TSPAN9: variants seen among roughly 807,000 people sequenced by gnomAD.
TSPAN9 encodes tetraspanin 9, also known as tetraspanin-9.
Under a neutral mutation model 31.0 loss-of-function variants are expected in TSPAN9, and 16 were observed. The observed-to-expected ratio is 0.52, with a 90% confidence interval of 0.35 to 0.78. The LOEUF (loss-of-function observed/expected upper bound fraction) is 0.78. TSPAN9 is among the 30% of genes least tolerant of loss of function. The pLI, the probability that TSPAN9 is intolerant of heterozygous loss-of-function variation, is 0.01. For synonymous variants in TSPAN9, 145 were observed against 121.6 expected, an observed-to-expected ratio of 1.19 and a Z score of -1.27; for missense variants, 272 against 312.5, an observed-to-expected ratio of 0.87 and a Z score of 0.98.
At chr12:3,127,201 G>A (rs570920883) in intron 2 of TSPAN9, among the ~76,000 whole-genome samples, 19 of 152,042 alleles carry the variant, frequency 1.2e-4, no homozygotes, top group African/African-American at 4.6e-4. Flanking sequence ...AGGAGTTGGA[G>A]ACCAGCCTGG....
At chr12:3,175,419 C>A (rs965112816) in intron 2 of TSPAN9, among the ~76,000 whole-genome samples, 18 of 152,202 alleles carry the variant, frequency 1.2e-4, no homozygotes, top group African/African-American at 4.1e-4. Flanking sequence ...GGCTGCCTTG[C>A]AGGAGGTGTG....
At chr12:3,272,180 G>T (rs1040061901) in intron 3 of TSPAN9, among the ~76,000 whole-genome samples, 5 of 152,194 alleles carry the variant, frequency 3.3e-5, no homozygotes, top group African/African-American at 4.8e-5. Context: ...CAGGTGCCTT[G>T]TGGGGCTCTG....
intron 6 of TSPAN9, 121 bp from the exon 7 acceptor site, chr12:3,281,077 C>T: frequency 2.7e-6 from 4 of 1,477,944 alleles, no homozygotes; most frequent in Non-Finnish European, 2.7e-6. Context: ...TTTGTCTCCT[C>T]CCTTAACTGC....
intron 3 of TSPAN9, among the ~76,000 whole-genome samples, chr12:3,224,670 G>T (rs1353396097): frequency 1.3e-5 from 2 of 152,248 alleles, no homozygotes; most frequent in Non-Finnish European, 2.9e-5. Context: ...TCTCCGATGA[G>T]GCCTAGCGTC....
intron 3 of TSPAN9, among the ~76,000 whole-genome samples, chr12:3,237,204 C>T (rs1373100746): frequency 6.6e-6 from 1 of 152,038 alleles, no homozygotes; most frequent in Non-Finnish European, 1.5e-5. Flanking sequence ...TTATCCTGAT[C>T]GATGTCATCC....
chr12:3,094,864 T>G (rs1178408664), intron 2 of TSPAN9, among the ~76,000 whole-genome samples: 70 of 109,478 alleles, frequency 6.4e-4, no homozygotes, highest in South Asian at 2.4e-3. Flanking sequence ...TTTTTTTTTT[T>G]TTTTTGTTTT....
chr12:3,235,967 C>T (rs1249468940), intron 3 of TSPAN9, among the ~76,000 whole-genome samples: 2 of 152,272 alleles, frequency 1.3e-5, no homozygotes, highest in Non-Finnish European at 2.9e-5. Context: ...TTCCCCTGGA[C>T]CTGCTGCCGC....
rs1241784095 is a variant in TSPAN9 at position 3,172,005 on chromosome 12, T to TAGC, written c.-17-29171_-17-29169dup. 2.0e-5 allele frequency: 3 copies of TAGC among 152,252 alleles called. No homozygotes were observed. In the East Asian group the frequency reaches 5.8e-4, roughly 29 times the overall value. The allele number at this position is 152,252 out of a possible 1,614,324, so 9.4% of individuals were successfully genotyped here. On this transcript the variant is annotated intron_variant, in intron 2 of 8. Transcript: ENST00000011898. This position sits in a 1 kb window ranked among gnomAD's most constrained non-coding sequence, Gnocchi z 4.8. ...GCTTCATGGTCCCCACGGTGTCAGG[T>TAGC]AGCTAGTTTATGGGTCCCATCCTGG... is the stretch of plus-strand genomic sequence containing the variant.
intron 2 of TSPAN9, among the ~76,000 whole-genome samples, chr12:3,180,153 C>T (rs573246981): frequency 1.4e-4 from 22 of 152,260 alleles, no homozygotes; most frequent in South Asian, 8.3e-4. Flanking sequence ...CCTGAGAAAA[C>T]GTTTCATTAA....
chr12:3,196,155 A>AG (rs761895773), intron 2 of TSPAN9, among the ~76,000 whole-genome samples: 3 of 152,166 alleles, frequency 2.0e-5, no homozygotes, highest in Non-Finnish European at 4.4e-5. Context: ...GAGAGGGAGG[A>AG]GGAGGGACGT....
rs1316926539 is a variant in TSPAN9 at position 3,285,863 on chromosome 12, C to G, written c.*2747C>G. On this transcript the variant is annotated 3_prime_UTR_variant, in exon 9 of 9. Coordinates refer to ENST00000011898, the MANE Select transcript of TSPAN9 (RefSeq NM_006675.5). ...GCAGCCATCCTGCAGTGGGGGTGAGCGGGCACAGGCTGAGAACTGCTCTTG... is the reference window on the plus strand; with the variant it reads ...GCAGCCATCCTGCAGTGGGGGTGAGGGGGCACAGGCTGAGAACTGCTCTTG... The G allele has an allele frequency of 6.6e-6, 1 of 152,236 alleles. No homozygotes were observed. Among genetic ancestry groups the G allele is most frequent in the African/African-American group, 2.4e-5 (1 of 41,432 alleles). 9.4% of individuals were successfully genotyped at this position (152,236 alleles called of 1,614,324 possible).
chr12:3,136,382 T>C lies in TSPAN9; in HGVS notation c.-18+52663T>C, dbSNP rs560297402. ...TTTGCGTGGGGCTCGACAGTTTGTG[T>C]TACAGTTCACGTGGCTCTTCCTCAA... On this transcript the variant is annotated intron_variant, in intron 2 of 8. Coordinates refer to ENST00000011898, the MANE Select transcript of TSPAN9 (RefSeq NM_006675.5). Among the ~76,000 whole-genome samples, 9 of 152,282 alleles carry C rather than the reference T, an allele frequency of 5.9e-5. No homozygotes were observed. In the South Asian group the frequency reaches 1.9e-3, roughly 32 times the overall value.
chr12:3,200,391 G>A (rs1236096039), intron 2 of TSPAN9: 1 of 152,198 alleles, frequency 6.6e-6, no homozygotes, highest in Admixed American at 6.5e-5. Flanking sequence ...CGGATCCCTC[G>A]GCACTGTCCG....
rs548856846 is a variant in TSPAN9, at chr12:3,280,099, C to T, written c.331-283C>T. ...TGGAGGCACGTGGTGTGTTTTTTTG[C>T]CTCTGGGTGTTACAGCCCTGGCCCT... On this transcript the variant is annotated intron_variant, in intron 5 of 8. Coordinates refer to ENST00000011898, the MANE Select transcript of TSPAN9 (RefSeq NM_006675.5). The surrounding 1 kb of genome is among the most constrained non-coding windows in gnomAD (Gnocchi z 4.5). Among the ~76,000 whole-genome samples the T allele has an allele frequency of 1.2e-4, 18 of 152,022 alleles. No homozygotes were observed. The East Asian group carries it at 3.3e-3, about 28-fold the overall frequency.
intron 2 of TSPAN9, among the ~76,000 whole-genome samples, chr12:3,089,906 A>AAAAT (rs1167826159): frequency 7.2e-5 from 11 of 152,076 alleles, no homozygotes; most frequent in East Asian, 2.0e-4. Context: ...ATCCTGTCTC[A>AAAAT]AAATAAATAA....
intron 2 of TSPAN9, among the ~76,000 whole-genome samples, chr12:3,104,452 A>G (rs2098313298): frequency 6.6e-6 from 1 of 152,056 alleles, no homozygotes; most frequent in Non-Finnish European, 1.5e-5. Context: ...TCCTGGGTTC[A>G]AGAGATCCTC....
At chr12:3,204,122 T>C (rs920127853) in intron 3 of TSPAN9, among the ~76,000 whole-genome samples, 1 of 152,174 alleles carries the variant, frequency 6.6e-6, no homozygotes, top group Non-Finnish European at 1.5e-5. Context: ...TAACTTGTTG[T>C]AGTCTTGTGG....
chr12:3,120,595 A>G (rs2098324594), intron 2 of TSPAN9, among the ~76,000 whole-genome samples: 1 of 152,064 alleles, frequency 6.6e-6, no homozygotes, highest in Non-Finnish European at 1.5e-5. Context: ...CTACCTATTG[A>G]TGTCACCTCT....
intron 2 of TSPAN9, among the ~76,000 whole-genome samples, chr12:3,133,820 A>G (rs2098330894): frequency 6.6e-6 from 1 of 152,108 alleles, no homozygotes; most frequent in African/African-American, 2.4e-5. Context: ...GAGGAGAGGA[A>G]ATTGGCATTA....
Sources: gnomAD v4.1 joint callset for allele counts (sites outside exome capture counted in the v4.1 genomes callset) on GRCh38, gnomAD v4.1.1 for gene constraint, Gnocchi (gnomAD v3.1) non-coding constraint, MANE v1.5 for transcripts, NCBI Gene and HGNC (gene_info 2026-07-23, HGNC 2026-07-21) for gene names.